NIM1K: variants seen among roughly 807,000 people sequenced by gnomAD.
NIM1K encodes the protein NIM1 serine/threonine protein kinase, also known as serine/threonine-protein kinase NIM1.
NIM1K carries 35 observed loss-of-function variants against 37.1 expected under a neutral mutation model. The observed-to-expected ratio is 0.94, with a 90% CI of 0.72 to 1.25. The LOEUF is 1.25. Ranked by LOEUF, NIM1K falls within the 50% of genes most tolerant of loss-of-function variation. The pLI, the probability that NIM1K is intolerant of heterozygous loss-of-function variation, is 0.00. For missense variants in NIM1K, 564 were observed against 548.0 expected, an observed-to-expected ratio of 1.03 and a Z score of -0.29; for synonymous variants, 234 against 206.6, an observed-to-expected ratio of 1.13 and a Z score of -1.14.
At chr5:43,199,352 C>T (rs1216111315) in intron 1 of NIM1K, among the ~76,000 whole-genome samples, 2 of 151,184 alleles carry the variant, frequency 1.3e-5, no homozygotes, top group Non-Finnish European at 2.9e-5. Flanking sequence ...TACGCTTTGG[C>T]CTGCAGTTAA....
intron 2 of NIM1K, among the ~76,000 whole-genome samples, chr5:43,262,896 A>G (rs2112286820): frequency 1.3e-5 from 2 of 152,172 alleles, no homozygotes; most frequent in Middle Eastern, 3.4e-3. Context: ...TTCTGTTTGT[A>G]TAATGATGGA....
At chr5:43,276,607 G>C (rs1171012356) in intron 2 of NIM1K, among the ~76,000 whole-genome samples, 6 of 152,254 alleles carry the variant, frequency 3.9e-5, no homozygotes, top group Admixed American at 1.3e-4. Context: ...GAATGATGGA[G>C]AGAATGAACC....
At chr5:43,266,271 A>G (rs1466482292) in intron 2 of NIM1K, among the ~76,000 whole-genome samples, 1 of 152,150 alleles carries the variant, frequency 6.6e-6, no homozygotes, top group African/African-American at 2.4e-5. Flanking sequence ...GGCTCCACCC[A>G]GTTTGAGCTT....
At chr5:43,250,456 C>T (rs1728226296) in intron 2 of NIM1K, among the ~76,000 whole-genome samples, 3 of 152,140 alleles carry the variant, frequency 2.0e-5, no homozygotes, top group African/African-American at 7.2e-5. Context: ...CGTATGATTT[C>T]TCTCAGCATA....
chr5:43,229,610 G>T (rs991678124), intron 1 of NIM1K, among the ~76,000 whole-genome samples: 3 of 147,682 alleles, frequency 2.0e-5, no homozygotes, highest in African/African-American at 7.5e-5. Context: ...ACCTATATCT[G>T]TATCTTTTTT....
intron 1 of NIM1K, among the ~76,000 whole-genome samples, chr5:43,221,113 G>A: frequency 6.6e-6 from 1 of 152,178 alleles, no homozygotes; most frequent in South Asian, 2.1e-4. Context: ...AAGAGATTAA[G>A]AGAATACTGT....
At chr5:43,229,376 C>A in intron 1 of NIM1K, among the ~76,000 whole-genome samples, 1 of 103,514 alleles carries the variant, frequency 9.7e-6, no homozygotes, top group Non-Finnish European at 1.9e-5. Context: ...AAGAGCAAAA[C>A]TCCATCTCAA....
rs773213033 is a variant in NIM1K at position 43,280,779 on chromosome 5, A to C, written c.*50A>C. The C allele has an allele frequency of 2.4e-5, 35 of 1,481,160 alleles. 1 individual carries two copies. The African/African-American group carries it at 3.6e-4, about 15-fold the overall frequency. 91.8% of individuals were successfully genotyped at this position (1,481,160 alleles called of 1,614,324 possible). On this transcript the variant is annotated 3_prime_UTR_variant, in exon 4 of 4. Coordinates refer to ENST00000326035, the MANE Select transcript of NIM1K (RefSeq NM_153361.4). Reference sequence around the variant, plus strand: ...ACCAAGATGATTGTTGCTGCTTCTAAATTTTTTTCAAGGACAACTTGAGTG... The same window carrying C: ...ACCAAGATGATTGTTGCTGCTTCTACATTTTTTTCAAGGACAACTTGAGTG...
chr5:43,207,737 A>G, intron 1 of NIM1K: 2 of 477,880 alleles, frequency 4.2e-6, no homozygotes, highest in Non-Finnish European at 8.2e-6. Flanking sequence ...GGAATTCTCA[A>G]AGGAGATCGT....
In NIM1K at chr5:43,272,227, C is replaced by G. The variant is rs1224811578; in HGVS notation, c.293-4830C>G. Among the ~76,000 whole-genome samples the G allele has an allele frequency of 2.6e-5, 4 of 152,328 alleles. No individual in the cohort carries two copies. In the East Asian group the frequency reaches 7.7e-4, roughly 29 times the overall value. On this transcript the variant is annotated intron_variant, in intron 2 of 3. Transcript: ENST00000326035. ...CAGGTCTTTCCTACCTCAAGATCTT[C>G]TGTCCTACCCATCCCTACTTTTAGA...
chr5:43,194,299 A>G (rs374052614), intron 1 of NIM1K, among the ~76,000 whole-genome samples: 2 of 152,028 alleles, frequency 1.3e-5, no homozygotes, highest in Non-Finnish European at 2.9e-5. Context: ...GCTGAATCCA[A>G]CTCCCCATGG....
intron 1 of NIM1K, chr5:43,194,959 A>T (rs997535036): frequency 1.3e-5 from 2 of 152,232 alleles, no homozygotes; most frequent in Admixed American, 1.3e-4. Flanking sequence ...TGTCACATAT[A>T]TAGTTTCATT....
chr5:43,236,229 T>G (rs1752619553), intron 1 of NIM1K, among the ~76,000 whole-genome samples: 4 of 151,938 alleles, frequency 2.6e-5, no homozygotes, highest in Admixed American at 2.6e-4. Context: ...ATTGCACCAC[T>G]GCACTCCAGC....
At chr5:43,275,724 T>C (rs528846590) in intron 2 of NIM1K, among the ~76,000 whole-genome samples, 3 of 152,026 alleles carry the variant, frequency 2.0e-5, no homozygotes, top group East Asian at 1.9e-4. Context: ...TTACAGTACA[T>C]TGGGGCTCCA....
intron 1 of NIM1K, among the ~76,000 whole-genome samples, chr5:43,198,157 TTC>T (rs1489177316): frequency 1.4e-4 from 7 of 49,928 alleles, no homozygotes; most frequent in Non-Finnish European, 2.6e-4. Flanking sequence ...CTTTCTTTCT[TTC>T]TTTCTTTCTT....
chr5:43,277,074 A>T lies in NIM1K; in HGVS notation c.310A>T (p.Ile104Phe). 6.2e-7 allele frequency: 1 copy of T among 1,613,878 alleles called. No individual in the cohort carries two copies. Among genetic ancestry groups the T allele is most frequent in the Non-Finnish European group, 8.5e-7 (1 of 1,179,946 alleles). The change falls in exon 3 of 4, where the codon ATC (isoleucine) becomes TTC (phenylalanine). Residue 104 changes from isoleucine to phenylalanine, a missense_variant. By Grantham distance (21) the Ile-to-Phe change is conservative (BLOSUM62 0). Coordinates refer to ENST00000326035, the MANE Select transcript of NIM1K (RefSeq NM_153361.4). ...CCTTGCAGAAAAGGTGGCCATTAAG[A>T]TCCTGGACAAGACCAAGTTAGACCA... is the stretch of plus-strand genomic sequence containing the variant. ...SLTKEKVAIKILDKTKLDQKT... is the reference protein window; with the variant it reads ...SLTKEKVAIKFLDKTKLDQKT...
At chr5:43,197,423 G>A (rs1352665126) in intron 1 of NIM1K, among the ~76,000 whole-genome samples, 1 of 152,168 alleles carries the variant, frequency 6.6e-6, no homozygotes. Context: ...GGGATTACAG[G>A]CGTGAGCCAC....
At chr5:43,252,121 C>CA (rs1160858718) in intron 2 of NIM1K, among the ~76,000 whole-genome samples, 255 of 141,310 alleles carry the variant, frequency 1.8e-3, no homozygotes, top group African/African-American at 5.9e-3. Flanking sequence ...TGTGAAAGGA[C>CA]AAAAAAAAAA....
rs141436687 is a variant in NIM1K, at chr5:43,245,961, G to A, written c.186G>A (p.Val62=). Residue 62 remains valine, a synonymous_variant, in exon 2 of 4, where the codon GTG becomes GTA. Coordinates refer to ENST00000326035, the MANE Select transcript of NIM1K (RefSeq NM_153361.4). The part of the protein sequence containing the change: ...TQDMSQDEKV[V]REITLGKRIG... ...ACATGTCCCAGGATGAGAAGGTGGT[G>A]AGGGAGATCACGCTGGGGAAACGGA... The A allele has an allele frequency of 6.2e-7, 1 of 1,614,186 alleles. No homozygotes were observed. The highest frequency in any genetic ancestry group is 8.5e-7 in the Non-Finnish European group (1 of 1,180,018).
Sources: allele counts gnomAD v4.1 joint callset (sites outside exome capture counted in the v4.1 genomes callset), GRCh38; gene constraint gnomAD v4.1.1; transcripts MANE v1.5; gene names NCBI Gene and HGNC (gene_info 2026-07-23, HGNC 2026-07-21).